The following SPATA6L variants were observed in gnomAD, a reference collection of about 807,000 sequenced individuals.
The protein encoded by SPATA6L is spermatogenesis associated 6-like protein.
A neutral mutation model predicts 49.2 loss-of-function variants in SPATA6L; 68 were observed. The observed-to-expected ratio is 1.38, with a 90% CI of 1.14 to 1.69. The LOEUF (loss-of-function observed/expected upper bound fraction) is 1.69, where lower values mean the gene tolerates loss of function less well. Ranked by LOEUF, SPATA6L falls within the 40% of genes most tolerant of loss-of-function variation. The pLI is 0.00. For missense variants in SPATA6L, 668 were observed against 464.3 expected (o/e 1.44, Z -4.03); for synonymous variants, 198 against 165.7 (o/e 1.19, Z -1.50).
intron 4 of SPATA6L, 138 bp from the exon 5 acceptor site, chr9:4,629,306 G>T: frequency 3.5e-6 from 2 of 573,850 alleles, no homozygotes; most frequent in Non-Finnish European, 6.1e-6. Context: ...AAATATATAT[G>T]TAATAAGAAT....
In SPATA6L at chr9:4,666,375, C is replaced by G; in HGVS notation, c.-125G>C. 1.0e-6 allele frequency: 1 copy of G among 982,042 alleles called. No individual in the cohort carries two copies. The highest frequency in any genetic ancestry group is 1.4e-5 in the South Asian group (1 of 71,902). The allele number at this position is 982,042 out of a possible 1,614,324, so 60.8% of individuals were successfully genotyped here. ...TCCCAGAAGCTTCCCCAGTCCCACG[C>G]CCTTGTTCCCCTACCGTCCCCCCCA... On this transcript the variant is annotated 5_prime_UTR_variant, in exon 1 of 12. Transcript: ENST00000682582.
chr9:4,622,939 T>C (rs1216022863), intron 6 of SPATA6L, among the ~76,000 whole-genome samples: 1 of 151,916 alleles, frequency 6.6e-6, no homozygotes, highest in African/African-American at 2.4e-5. Flanking sequence ...CATTTCTACT[T>C]TCCACATTCC....
At chr9:4,607,516 A>G (rs936498145) in intron 9 of SPATA6L, among the ~76,000 whole-genome samples, 1 of 152,214 alleles carries the variant, frequency 6.6e-6, no homozygotes, top group Non-Finnish European at 1.5e-5. Flanking sequence ...AAGAATTTTC[A>G]ACCCAGAATG....
intron 2 of SPATA6L, among the ~76,000 whole-genome samples, chr9:4,661,335 G>T (rs547854833): frequency 6.6e-6 from 1 of 152,264 alleles, no homozygotes; most frequent in African/African-American, 2.4e-5. Flanking sequence ...GAATAGTTTA[G>T]TGTGAAGAAG....
intron 6 of SPATA6L, among the ~76,000 whole-genome samples, chr9:4,624,681 T>C (rs1005073526): frequency 2.7e-5 from 4 of 150,928 alleles, no homozygotes; most frequent in East Asian, 3.9e-4. Flanking sequence ...TAAGCCGAGA[T>C]TGTGTCACTG....
chr9:4,610,885 T>G (rs975445732), intron 9 of SPATA6L, among the ~76,000 whole-genome samples: 21 of 151,286 alleles, frequency 1.4e-4, no homozygotes, highest in Non-Finnish European at 1.5e-5. Flanking sequence ...AGAAAATTTT[T>G]GCAACCTACT....
intron 7 of SPATA6L, among the ~76,000 whole-genome samples, chr9:4,620,471 C>A (rs1243677998): frequency 6.6e-6 from 1 of 152,338 alleles, no homozygotes; most frequent in African/African-American, 2.4e-5. Flanking sequence ...CCACCCCAGC[C>A]CTACTGAATC....
chr9:4,593,950 A>G (rs527855169), downstream of SPATA6L, among the ~76,000 whole-genome samples: 27 of 152,138 alleles, frequency 1.8e-4, no homozygotes, highest in South Asian at 5.4e-3. Flanking sequence ...TCCTCTCTCC[A>G]CCAGATACTC....
chr9:4,601,952 C>T (rs1823409343), intron 11 of SPATA6L, among the ~76,000 whole-genome samples: 1 of 152,152 alleles, frequency 6.6e-6, no homozygotes, highest in African/African-American at 2.4e-5. Context: ...TTGGGTTTTT[C>T]ACAATCACTA....
At chr9:4,643,371 G>A (rs1171670976) in intron 3 of SPATA6L, among the ~76,000 whole-genome samples, 1 of 152,180 alleles carries the variant, frequency 6.6e-6, no homozygotes, top group East Asian at 1.9e-4. Context: ...GGCATGCCAT[G>A]CACTCCTGGA....
At chr9:4,594,092 C>G (rs571389341), downstream of SPATA6L, among the ~76,000 whole-genome samples, 39 of 152,358 alleles carry the variant, frequency 2.6e-4, no homozygotes, top group Non-Finnish European at 5.0e-4. Flanking sequence ...CCACCTCCAA[C>G]TTCTACTGAC....
intron 11 of SPATA6L, among the ~76,000 whole-genome samples, chr9:4,602,311 G>T (rs958986945): frequency 1.3e-5 from 2 of 151,994 alleles, no homozygotes; most frequent in Non-Finnish European, 2.9e-5. Flanking sequence ...TAATTGCCTA[G>T]ACGGCAATTA....
chr9:4,601,513 C>A (rs981998651), intron 11 of SPATA6L, among the ~76,000 whole-genome samples: 3 of 152,100 alleles, frequency 2.0e-5, no homozygotes, highest in African/African-American at 7.2e-5. Context: ...CCCCTTCAAC[C>A]CATTTCTTCC....
chr9:4,640,030 A>G (rs898018295), intron 3 of SPATA6L, among the ~76,000 whole-genome samples: 4 of 152,262 alleles, frequency 2.6e-5, no homozygotes, highest in African/African-American at 9.6e-5. Flanking sequence ...AAGCATTGCT[A>G]TGAAAGTATA....
chr9:4,615,910 T>A (rs1827877953), intron 9 of SPATA6L, among the ~76,000 whole-genome samples: 3 of 152,182 alleles, frequency 2.0e-5, no homozygotes, highest in Admixed American at 2.0e-4. Flanking sequence ...TTCTGGTGGC[T>A]GAGAAGCACT....
chr9:4,636,096 C>T (rs1832751405), intron 3 of SPATA6L, among the ~76,000 whole-genome samples: 1 of 147,972 alleles, frequency 6.8e-6, no homozygotes, highest in African/African-American at 2.6e-5. Flanking sequence ...AACTATGTTG[C>T]ATGTAAACAC....
chr9:4,646,511 C>G (rs1835405549), intron 3 of SPATA6L: 4 of 1,513,076 alleles, frequency 2.6e-6, no homozygotes, highest in Non-Finnish European at 3.5e-6. Context: ...TGTATTAATT[C>G]AAACCTGGCT....
intron 3 of SPATA6L, among the ~76,000 whole-genome samples, chr9:4,651,598 A>G (rs1836869514): frequency 6.6e-6 from 1 of 152,198 alleles, no homozygotes; most frequent in South Asian, 2.1e-4. Context: ...CCTCAACATA[A>G]TACTAGCAAA....
chr9:4,662,847 G>T lies in SPATA6L; in HGVS notation c.40-811C>A. On this transcript the variant is annotated intron_variant, in intron 1 of 11. Transcript: ENST00000682582. This position sits in a 1 kb window ranked among gnomAD's most constrained non-coding sequence, Gnocchi z 4.9. Reference sequence around the variant, plus strand: ...CACCCTCTACTGCCTGTGCAGGAGCGACAGCTGGGCCGGGCGCGAGGTGCT... The same window carrying T: ...CACCCTCTACTGCCTGTGCAGGAGCTACAGCTGGGCCGGGCGCGAGGTGCT... The T allele has an allele frequency of 6.2e-7, 1 of 1,605,300 alleles. No homozygotes were observed. The highest frequency in any genetic ancestry group is 8.5e-7 in the Non-Finnish European group (1 of 1,179,966).
Sources: gnomAD v4.1 joint callset for allele counts (sites outside exome capture counted in the v4.1 genomes callset) on GRCh38, gnomAD v4.1.1 for gene constraint, Gnocchi (gnomAD v3.1) non-coding constraint, MANE v1.5 for transcripts, NCBI Gene and HGNC (gene_info 2026-07-23, HGNC 2026-07-21) for gene names.